OC90: variants seen among roughly 807,000 people sequenced by gnomAD.
OC90 encodes the protein otoconin 90.
In OC90, 46 loss-of-function variants were observed where a neutral mutation model predicts 47.3. That is an observed-to-expected ratio of 0.97 (90% CI 0.77 to 1.24). The LOEUF is 1.24. Ranked by LOEUF, OC90 falls within the 50% of genes most tolerant of loss-of-function variation. The pLI, the probability that OC90 is intolerant of heterozygous loss-of-function variation, is 0.00. For synonymous variants in OC90, 271 were observed against 219.5 expected (o/e 1.23, Z -2.07); for missense variants, 688 against 583.9 (o/e 1.18, Z -1.84).
chr8:132,054,282 T>C (rs1280137595), intron 2 of OC90, among the ~76,000 whole-genome samples: 1 of 152,150 alleles, frequency 6.6e-6, no homozygotes, highest in Non-Finnish European at 1.5e-5. Context: ...CCAACTGAAG[T>C]CTAGGGCACA....
intron 12 of OC90, among the ~76,000 whole-genome samples, chr8:132,031,670 C>A (rs79025696): frequency 1.3e-5 from 2 of 152,148 alleles, no homozygotes; most frequent in South Asian, 2.1e-4. Flanking sequence ...CCAAGGTGAA[C>A]GACCTCAAAC....
chr8:132,029,950 A>T (rs1266152933), intron 12 of OC90, among the ~76,000 whole-genome samples: 1 of 152,228 alleles, frequency 6.6e-6, no homozygotes, highest in East Asian at 1.9e-4. Flanking sequence ...CCACAGCTCC[A>T]GCAGGGATAA....
intron 5 of OC90, 90 bp from the exon 6 acceptor site, chr8:132,041,246 G>T: frequency 1.2e-6 from 1 of 810,646 alleles, no homozygotes; most frequent in Non-Finnish European, 2.1e-6. Context: ...TCTCTGGATG[G>T]ATCCTGGCAG....
chr8:132,029,301 G>C (rs763082058), intron 12 of OC90, 122 bp from the exon 13 acceptor site: 28 of 733,842 alleles, frequency 3.8e-5, no homozygotes, highest in Non-Finnish European at 6.6e-5. Context: ...CTCCTTTCCA[G>C]TGCACACAGG....
At chr8:132,040,665 C>T (rs1050241057) in intron 6 of OC90, among the ~76,000 whole-genome samples, 8 of 152,186 alleles carry the variant, frequency 5.3e-5, no homozygotes, top group African/African-American at 1.9e-4. Context: ...TTGATTTTCA[C>T]AACTAATCTC....
chr8:132,040,805 A>C (rs1173128120), intron 6 of OC90, among the ~76,000 whole-genome samples: 2 of 152,232 alleles, frequency 1.3e-5, no homozygotes, highest in Non-Finnish European at 2.9e-5. Flanking sequence ...TAAAATTGTA[A>C]ATCAGATAAC....
In OC90 at chr8:132,028,526, A is replaced by AAAAGAAAGAAAG. The variant is rs372685836; in HGVS notation, c.1138+535_1138+546dup. Among the ~76,000 whole-genome samples the AAAAGAAAGAAAG allele has an allele frequency of 5.9e-3, 519 of 87,442 alleles. 2 individuals are homozygous for AAAAGAAAGAAAG. Among genetic ancestry groups the AAAAGAAAGAAAG allele is most frequent in the South Asian group, 7.3e-3 (15 of 2,064 alleles). 57.4% of individuals were successfully genotyped at this position (87,442 alleles called of 152,430 possible). On this transcript the variant is annotated intron_variant, in intron 13 of 13. Transcript: ENST00000254627. ...GAAAGAAAAAGAAAAAGAAAGAAAG[A>AAAAGAAAGAAAG]AAAGAAAGAAAGAAAGAAAGAAAGA...
intron 3 of OC90, 128 bp from the exon 4 acceptor site, chr8:132,044,617 A>T (rs1443308481): frequency 1.6e-6 from 1 of 631,828 alleles, no homozygotes. Flanking sequence ...ACCTTGGGCT[A>T]AGCTAGCTTT....
intron 9 of OC90, among the ~76,000 whole-genome samples, chr8:132,036,570 C>T (rs1426349261): frequency 6.6e-6 from 1 of 152,180 alleles, no homozygotes; most frequent in Non-Finnish European, 1.5e-5. Flanking sequence ...TCACCAAGGT[C>T]TCAATTCAGT....
At chr8:132,026,915 C>T (rs1166214402) in intron 13 of OC90, among the ~76,000 whole-genome samples, 2 of 152,096 alleles carry the variant, frequency 1.3e-5, no homozygotes, top group Non-Finnish European at 2.9e-5. Context: ...ACAACTGGGC[C>T]TCCCACTTCC....
intron 2 of OC90, among the ~76,000 whole-genome samples, chr8:132,052,912 C>T (rs1823234257): frequency 6.6e-6 from 1 of 152,088 alleles, no homozygotes; most frequent in Admixed American, 6.6e-5. Flanking sequence ...AGCTTTTTCT[C>T]ACCCGGTACG....
At chr8:132,028,818 A>G (rs998851461) in intron 13 of OC90, among the ~76,000 whole-genome samples, 12 of 150,674 alleles carry the variant, frequency 8.0e-5, no homozygotes, top group Non-Finnish European at 1.3e-4. Context: ...AAAGAAAGAA[A>G]GAAAAAGAAA....
intron 2 of OC90, among the ~76,000 whole-genome samples, chr8:132,047,037 C>G (rs1471883022): frequency 6.6e-6 from 1 of 152,178 alleles, no homozygotes; most frequent in Non-Finnish European, 1.5e-5. Context: ...TCCCTGGCCA[C>G]AGATACCAGC....
In OC90 at chr8:132,044,458, AT is replaced by A; in HGVS notation, c.143del (p.Asn48MetfsTer29). ...NITFFSGMFK[N>X]VESVAEIFDC... is the part of the protein sequence containing the mutation. ...CAAAAATTTCAGCCACACTTTCCAC[AT>A]TTTTAAACATCCCACTGAAGAAAGT... On this transcript the variant is annotated frameshift_variant, in exon 4 of 14. Transcript: ENST00000254627. LOFTEE classifies it high-confidence loss of function. The A allele has an allele frequency of 2.6e-6, 4 of 1,558,078 alleles. No individual in the cohort carries two copies. Among genetic ancestry groups the A allele is most frequent in the Non-Finnish European group, 3.5e-6 (4 of 1,144,424 alleles).
At chr8:132,047,577 A>G (rs1332207605) in intron 2 of OC90, among the ~76,000 whole-genome samples, 2 of 152,214 alleles carry the variant, frequency 1.3e-5, no homozygotes, top group East Asian at 3.9e-4. Flanking sequence ...TCCAAAATAT[A>G]TAAAGCTAAA....
chr8:132,041,548 C>T lies in OC90; in HGVS notation c.321G>A (p.Gly107=), dbSNP rs1309637329. Residue 107 remains glycine, a synonymous_variant, in exon 5 of 14, where the codon GGG becomes GGA. Transcript: ENST00000254627. ...YGCTCRFEME[G]LPVDESDSCC... The stretch of plus-strand genomic sequence containing the variant: ...ACCTGTCAGATTCATCCACAGGCAA[C>T]CCTTCCATCTCAAACCTGCAGGTGC... 8 of 1,611,732 alleles carry T rather than the reference C, an allele frequency of 5.0e-6. No individual in the cohort carries two copies. The highest frequency in any genetic ancestry group is 4.0e-5 in the African/African-American group (3 of 74,756).
At chr8:132,025,078 T>C (rs974419717) in intron 13 of OC90, among the ~76,000 whole-genome samples, 1 of 152,256 alleles carries the variant, frequency 6.6e-6, no homozygotes, top group African/African-American at 2.4e-5. Context: ...TGGGCTCCCA[T>C]GGAATCCCAC....
intron 13 of OC90, among the ~76,000 whole-genome samples, chr8:132,024,979 T>C (rs1182477488): frequency 6.6e-6 from 1 of 152,214 alleles, no homozygotes; most frequent in East Asian, 1.9e-4. Flanking sequence ...CTGTCAATGC[T>C]CTCAACTGGT....
intron 2 of OC90, 84 bp from the exon 3 acceptor site, chr8:132,045,967 GACAA>G (rs1167095792): frequency 1.3e-5 from 10 of 751,432 alleles, no homozygotes; most frequent in African/African-American, 1.0e-4. Context: ...GCGACAGCCA[GACAA>G]ACAATGGGAA....
Sources: gnomAD v4.1 joint callset for allele counts (sites outside exome capture counted in the v4.1 genomes callset) on GRCh38, gnomAD v4.1.1 for gene constraint, MANE v1.5 for transcripts, NCBI Gene and HGNC (gene_info 2026-07-23, HGNC 2026-07-21) for gene names.